CLASP1: variants seen among roughly 807,000 people sequenced by gnomAD.
CLASP1 encodes the protein CLIP-associating protein 1.
CLASP1 carries 38 observed loss-of-function variants against 192.3 expected under a neutral mutation model. The ratio of observed to expected loss-of-function variants is 0.20; its 90% CI spans 0.15 to 0.26. The LOEUF is 0.26. Ranked by LOEUF, CLASP1 falls within the 10% of genes least tolerant of loss-of-function variation. The pLI is 1.00. For synonymous variants in CLASP1, 691 were observed against 712.8 expected (o/e 0.97, Z 0.49); for missense variants, 1,433 against 1,932.5 (o/e 0.74, Z 4.85).
chr2:121,444,000 T>C (rs984954887), intron 19 of CLASP1, among the ~76,000 whole-genome samples: 10 of 152,206 alleles, frequency 6.6e-5, no homozygotes, highest in Non-Finnish European at 1.2e-4. Context: ...CTGTTCCTAA[T>C]TGTTAAGTAA....
At chr2:121,381,304 C>CT (rs77181666) in intron 33 of CLASP1, among the ~76,000 whole-genome samples, 6,441 of 144,386 alleles carry the variant, frequency 0.045, 165 homozygotes, top group East Asian at 0.15. Flanking sequence ...AGTAACAGGT[C>CT]TTTTTTTTTT....
chr2:121,418,270 A>C (rs1306837730), intron 23 of CLASP1, among the ~76,000 whole-genome samples: 3 of 152,264 alleles, frequency 2.0e-5, no homozygotes, highest in Non-Finnish European at 4.4e-5. Flanking sequence ...TAAAAATTCA[A>C]TGACTAAGAA....
intron 7 of CLASP1, among the ~76,000 whole-genome samples, chr2:121,507,093 ATTT>A (rs886612579): frequency 6.6e-6 from 1 of 152,208 alleles, no homozygotes; most frequent in African/African-American, 2.4e-5. Flanking sequence ...AACAAAAACT[ATTT>A]TTAAGGACAC....
chr2:121,581,040 C>G lies in CLASP1; in HGVS notation c.195+24661G>C, dbSNP rs1221774644. Among the ~76,000 whole-genome samples, 21 of 152,122 alleles carry G rather than the reference C, an allele frequency of 1.4e-4. 1 individual carries two copies. The highest frequency in any genetic ancestry group is 1.4e-3 in the Admixed American group (21 of 15,262). ...ACGTGCAATCAGACCCCTCTGCTGA[C>G]CTTTAATACCAAAAACGTGAGGAAG... On this transcript the variant is annotated intron_variant, in intron 2 of 39. Transcript: ENST00000263710.
intron 32 of CLASP1, among the ~76,000 whole-genome samples, chr2:121,384,005 T>TACACAC (rs368230291): frequency 6.5e-5 from 9 of 137,900 alleles, no homozygotes; most frequent in African/African-American, 1.9e-4. Flanking sequence ...TATATATATA[T>TACACAC]ATACACACAC....
intron 26 of CLASP1, chr2:121,402,735 A>G (rs367760459): frequency 2.0e-6 from 1 of 492,248 alleles, no homozygotes. Flanking sequence ...ATAAATCTTA[A>G]GAATCTAATT....
At chr2:121,376,478 T>A (rs2070172863) in intron 34 of CLASP1, among the ~76,000 whole-genome samples, 1 of 118,312 alleles carries the variant, frequency 8.5e-6, no homozygotes, top group African/African-American at 3.3e-5. Context: ...AGAGTTGAGC[T>A]CATAGAAGTA....
chr2:121,481,188 C>T (rs1307252021), intron 8 of CLASP1, among the ~76,000 whole-genome samples: 3 of 152,290 alleles, frequency 2.0e-5, no homozygotes, highest in East Asian at 3.9e-4. Context: ...ATTTTATACC[C>T]TCATTATTTG....
At chr2:121,578,726 C>CAA (rs3980092) in intron 2 of CLASP1, among the ~76,000 whole-genome samples, 7 of 105,798 alleles carry the variant, frequency 6.6e-5, no homozygotes, top group East Asian at 2.6e-4. Flanking sequence ...GACTCCGTCT[C>CAA]AAAAAAAAAA....
rs185773855 is a variant in CLASP1, at chr2:121,369,879, T to C, written c.3643-2048A>G. ...TTCTTTCTTTAGTGTAGATTAACCA[T>C]ACTGGGTAAAGAATATGCAAATCAC... On this transcript the variant is annotated intron_variant, in intron 34 of 39. Coordinates refer to ENST00000263710, the Ensembl canonical transcript of CLASP1. Among the ~76,000 whole-genome samples, 328 of 152,276 alleles carry C rather than the reference T, an allele frequency of 2.2e-3. 1 individual carries two copies. The highest frequency in any genetic ancestry group is 7.4e-3 in the African/African-American group (309 of 41,548).
intron 2 of CLASP1, chr2:121,603,225 T>A (rs2064002319): frequency 6.7e-6 from 1 of 150,326 alleles, no homozygotes; most frequent in Admixed American, 6.6e-5. Context: ...AAAAAAAAAT[T>A]ATATATATAT....
chr2:121,434,592 TC>T (rs1380395396), intron 19 of CLASP1, among the ~76,000 whole-genome samples: 2 of 152,186 alleles, frequency 1.3e-5, no homozygotes, highest in African/African-American at 4.8e-5. Flanking sequence ...ACTCTACTGA[TC>T]CACATTTATG....
intron 6 of CLASP1, among the ~76,000 whole-genome samples, chr2:121,516,667 ATG>A (rs2094304619): frequency 1.3e-5 from 2 of 152,244 alleles, no homozygotes; most frequent in Admixed American, 1.3e-4. Flanking sequence ...GAAAAATGAC[ATG>A]CGTTAATATA....
At chr2:121,460,033 G>T in exon 12 of CLASP1, 1 of 1,613,546 alleles carries the variant, frequency 6.2e-7, no homozygotes, top group Non-Finnish European at 8.5e-7. Context: ...CCTTAGCAGA[G>T]AGTTTAAAGG....
chr2:121,628,584 A>G (rs1440748244), intron 1 of CLASP1, among the ~76,000 whole-genome samples: 1 of 151,806 alleles, frequency 6.6e-6, no homozygotes, highest in Admixed American at 6.6e-5. Context: ...GCTGAGGCAC[A>G]AGAATCGCTT....
chr2:121,638,009 G>C (rs1273551266), intron 1 of CLASP1, among the ~76,000 whole-genome samples: 1 of 151,926 alleles, frequency 6.6e-6, no homozygotes, highest in Non-Finnish European at 1.5e-5. Flanking sequence ...ACATTATCAA[G>C]AAAGTAAAAA....
At chr2:121,471,297 T>C (rs2090674273) in intron 8 of CLASP1, among the ~76,000 whole-genome samples, 1 of 151,982 alleles carries the variant, frequency 6.6e-6, no homozygotes, top group East Asian at 1.9e-4. Context: ...AAAAGAAACA[T>C]CTTTGGAATC....
At chr2:121,398,515 T>G (rs1559035698) in intron 28 of CLASP1, 115 bp from the exon 30 acceptor site, 9 of 683,266 alleles carry the variant, frequency 1.3e-5, no homozygotes, top group Non-Finnish European at 2.2e-5. Flanking sequence ...CCTGTTCACA[T>G]TTTTAATAAA....
intron 37 of CLASP1, among the ~76,000 whole-genome samples, chr2:121,362,258 A>C (rs1179427204): frequency 6.6e-6 from 1 of 152,206 alleles, no homozygotes; most frequent in Non-Finnish European, 1.5e-5. Flanking sequence ...CCTTTTACTG[A>C]AGGGTGTCAC....
Sources: allele counts gnomAD v4.1 joint callset (sites outside exome capture counted in the v4.1 genomes callset), GRCh38; gene constraint gnomAD v4.1.1; transcripts MANE v1.5; gene names NCBI Gene and HGNC (gene_info 2026-07-23, HGNC 2026-07-21).